The following KDM4C variants were observed in gnomAD, a reference collection of about 807,000 sequenced individuals.
KDM4C encodes the protein lysine demethylase 4C.
In KDM4C, 81 loss-of-function variants were observed where a neutral mutation model predicts 129.3. The ratio of observed to expected loss-of-function variants is 0.63; its 90% confidence interval spans 0.52 to 0.75. KDM4C has a LOEUF of 0.75. KDM4C is among the 30% of genes least tolerant of loss of function. The pLI, the probability that KDM4C is intolerant of heterozygous loss-of-function variation, is 0.00. For missense variants in KDM4C, 1,457 were observed against 1,304.0 expected, an observed-to-expected ratio of 1.12 and a Z score of -1.81; for synonymous variants, 573 against 456.1, an observed-to-expected ratio of 1.26 and a Z score of -3.26.
chr9:6,942,826 G>C (rs997852671), intron 8 of KDM4C, among the ~76,000 whole-genome samples: 1 of 152,120 alleles, frequency 6.6e-6, no homozygotes, highest in Non-Finnish European at 1.5e-5. Flanking sequence ...GGGAGTAAAG[G>C]ATAGTCTTAA....
At chr9:6,793,866 T>C (rs1827232555) in intron 2 of KDM4C, among the ~76,000 whole-genome samples, 1 of 152,162 alleles carries the variant, frequency 6.6e-6, no homozygotes, top group Non-Finnish European at 1.5e-5. Flanking sequence ...ATAACACTTA[T>C]TGATATATTT....
intron 7 of KDM4C, among the ~76,000 whole-genome samples, chr9:6,889,447 T>C (rs936245315): frequency 2.6e-5 from 4 of 151,914 alleles, no homozygotes; most frequent in African/African-American, 9.7e-5. Context: ...GCCTCCGAGA[T>C]GTGCACCGTG....
chr9:7,170,857 T>TGAA (rs377480339), intron 21 of KDM4C: 12 of 691,576 alleles, frequency 1.7e-5, no homozygotes, highest in Middle Eastern at 7.1e-4. Flanking sequence ...GGGCCATACT[T>TGAA]GAAGAAGAAG....
At chr9:7,133,838 A>G (rs936095510) in intron 19 of KDM4C, among the ~76,000 whole-genome samples, 7 of 152,206 alleles carry the variant, frequency 4.6e-5, no homozygotes, top group African/African-American at 1.7e-4. Flanking sequence ...AGAAACTAGA[A>G]CAGAGTTGTT....
At chr9:7,006,471 TTTA>T (rs1490963453) in intron 12 of KDM4C, among the ~76,000 whole-genome samples, 1 of 151,964 alleles carries the variant, frequency 6.6e-6, no homozygotes, top group African/African-American at 2.4e-5. Flanking sequence ...AACAGAATTG[TTTA>T]TGGTCCTGAG....
At chr9:7,076,398 A>G (rs1446289090) in intron 17 of KDM4C, 11 of 1,403,420 alleles carry the variant, frequency 7.8e-6, no homozygotes, top group African/African-American at 1.4e-5. Context: ...AAAATCTGGC[A>G]TATTGGACTT....
At chr9:6,823,156 G>A (rs191404756) in intron 4 of KDM4C, among the ~76,000 whole-genome samples, 4 of 152,272 alleles carry the variant, frequency 2.6e-5, no homozygotes, top group African/African-American at 4.8e-5. Context: ...TATTCAAGTC[G>A]TCTTTGCAAG....
chr9:6,874,819 C>A (rs935022408), intron 5 of KDM4C, among the ~76,000 whole-genome samples: 4 of 151,704 alleles, frequency 2.6e-5, no homozygotes, highest in Admixed American at 1.3e-4. Flanking sequence ...GGCACAGTGG[C>A]CTGTGGTGGC....
chr9:7,094,486 T>C lies in KDM4C; in HGVS notation c.2425-9199T>C, dbSNP rs561630990. Among the ~76,000 whole-genome samples, 24 of 152,314 alleles carry C rather than the reference T, an allele frequency of 1.6e-4. No homozygotes were observed. The South Asian group carries it at 4.4e-3, about 28-fold the overall frequency. ...TTGGAAACCCCAAATTTATCTCATC[T>C]AGAAGACGAATCTACAAACTCACTG... is the stretch of plus-strand genomic sequence containing the variant. On this transcript the variant is annotated intron_variant, in intron 17 of 21. Transcript: ENST00000381309.
intron 4 of KDM4C, among the ~76,000 whole-genome samples, chr9:6,821,075 A>G (rs1204830342): frequency 6.6e-6 from 1 of 152,186 alleles, no homozygotes; most frequent in Non-Finnish European, 1.5e-5. Context: ...GCTACATAGT[A>G]TTCCATGGTG....
intron 3 of KDM4C, among the ~76,000 whole-genome samples, chr9:6,811,686 A>G (rs1238596966): frequency 6.6e-6 from 1 of 152,198 alleles, no homozygotes; most frequent in Non-Finnish European, 1.5e-5. Flanking sequence ...AGCCCTCACA[A>G]CAAGCTTCCT....
intron 8 of KDM4C, among the ~76,000 whole-genome samples, chr9:6,903,879 C>G (rs1297947746): frequency 2.0e-5 from 3 of 152,124 alleles, no homozygotes; most frequent in Admixed American, 1.3e-4. Context: ...TTTCGAAAAT[C>G]TACACAATGT....
intron 8 of KDM4C, among the ~76,000 whole-genome samples, chr9:6,921,551 T>C (rs1821515660): frequency 1.3e-5 from 2 of 152,218 alleles, no homozygotes; most frequent in Admixed American, 6.5e-5. Flanking sequence ...CTCACCACTA[T>C]TACTCTGGTC....
intron 8 of KDM4C, among the ~76,000 whole-genome samples, chr9:6,978,198 A>G (rs545472294): frequency 8.5e-5 from 13 of 152,218 alleles, no homozygotes; most frequent in Non-Finnish European, 1.8e-4. Context: ...TCAAGATTTC[A>G]TAGCTTGTCA....
chr9:6,778,252 G>A (rs1370699366), intron 1 of KDM4C, among the ~76,000 whole-genome samples: 1 of 151,440 alleles, frequency 6.6e-6, no homozygotes, highest in African/African-American at 2.4e-5. Context: ...ACCACCCCTG[G>A]CTAATTTTTG....
intron 1 of KDM4C, among the ~76,000 whole-genome samples, chr9:6,724,338 G>C (rs1563909789): frequency 6.6e-6 from 1 of 152,164 alleles, no homozygotes; most frequent in East Asian, 1.9e-4. Context: ...TGGCTTGTTA[G>C]TGAGTGCTTT....
intron 21 of KDM4C, among the ~76,000 whole-genome samples, 190 bp from the exon 22 acceptor site, chr9:7,174,363 C>G (rs1284537284): frequency 2.6e-5 from 4 of 152,126 alleles, no homozygotes; most frequent in Non-Finnish European, 5.9e-5. Flanking sequence ...GAAAGTAGGG[C>G]TAAATGGAGC....
At chr9:7,062,393 C>T (rs1831820471) in intron 17 of KDM4C, among the ~76,000 whole-genome samples, 1 of 150,746 alleles carries the variant, frequency 6.6e-6, no homozygotes, top group African/African-American at 2.4e-5. Context: ...TTTCTTTTTA[C>T]TTGTTTATTT....
rs201758031 is a variant in KDM4C at position 7,156,791 on chromosome 9, T to A, written c.2782-8447T>A. Among the ~76,000 whole-genome samples the A allele has an allele frequency of 2.6e-5, 4 of 152,284 alleles. No homozygotes were observed. The East Asian group carries it at 5.8e-4, about 22-fold the overall frequency. Reference sequence around the variant, plus strand: ...TAGTTTGAAGTCAGATAGCGTGATGTCTCCAGCTTTGTTCTTTTGGCTTAG... The same window carrying A: ...TAGTTTGAAGTCAGATAGCGTGATGACTCCAGCTTTGTTCTTTTGGCTTAG... On this transcript the variant is annotated intron_variant, in intron 19 of 21. Transcript: ENST00000381309.
Sources: allele counts gnomAD v4.1 joint callset (sites outside exome capture counted in the v4.1 genomes callset), GRCh38; gene constraint gnomAD v4.1.1; transcripts MANE v1.5; gene names NCBI Gene and HGNC (gene_info 2026-07-23, HGNC 2026-07-21).